The following ABCG1 variants were observed in gnomAD, a reference collection of about 807,000 sequenced individuals.
The protein encoded by ABCG1 is ATP-binding cassette sub-family G member 1.
Under a neutral mutation model 69.2 loss-of-function variants are expected in ABCG1, and 29 were observed. That is an observed-to-expected ratio of 0.42 (90% CI 0.31 to 0.57). ABCG1 has a LOEUF of 0.57. Among genes scored for constraint, ABCG1 ranks in the 20% least tolerant of loss-of-function variants. ABCG1 has a pLI of 0.15. For missense variants in ABCG1, 718 were observed against 898.1 expected, an observed-to-expected ratio of 0.80 and a Z score of 2.56; for synonymous variants, 370 against 374.8, an observed-to-expected ratio of 0.99 and a Z score of 0.15.
In ABCG1 at chr21:42,255,393, C is replaced by T. The variant is rs115001654; in HGVS notation, c.287-15677C>T. The stretch of plus-strand genomic sequence containing the variant: ...ATGCACATGTGTGTATATGGGTAGA[C>T]GTGTATGTGATGTGTGTCTGAGTGC... On this transcript the variant is annotated intron_variant, in intron 2 of 14. Transcript: ENST00000398449. 7.6e-3 allele frequency among the ~76,000 whole-genome samples: 1,164 copies of T among 152,164 alleles called. 23 individuals are homozygous for T. Among genetic ancestry groups the T allele is most frequent in the African/African-American group, 0.026 (1,093 of 41,504 alleles).
intron 2 of ABCG1, among the ~76,000 whole-genome samples, chr21:42,201,975 C>T (rs1471121190): frequency 6.6e-6 from 1 of 152,208 alleles, no homozygotes. Flanking sequence ...GAACTCTGCC[C>T]TTGTCCCCCA....
At chr21:42,212,384 A>C (rs116959854), upstream of ABCG1, among the ~76,000 whole-genome samples, 1 of 152,176 alleles carries the variant, frequency 6.6e-6, no homozygotes, top group African/African-American at 2.4e-5. Flanking sequence ...AGAAGAAGAC[A>C]CAGAGCCTCC....
chr21:42,260,524 C>T (rs766545656), intron 2 of ABCG1, among the ~76,000 whole-genome samples: 8 of 152,088 alleles, frequency 5.3e-5, no homozygotes, highest in African/African-American at 1.2e-4. Context: ...GGAGAGGAGC[C>T]GCATGGAAGG....
rs557387658 is a variant in ABCG1 at position 42,288,029 on chromosome 21, T to C, written c.1114T>C (p.Ser372Pro). Residue 372 changes from serine (S) to proline (P), a missense_variant, in exon 9 of 15, where the codon TCT (serine) becomes CCT (proline). Coordinates refer to ENST00000398449, the MANE Select transcript of ABCG1 (RefSeq NM_016818.3). The surrounding 1 kb of genome is among the most constrained non-coding windows in gnomAD (Gnocchi z 4.8). ...GAACCCTTTTCTTTGGCACCGGCCCTCTGAAGAGGTAAAGCAGACAAAACG... is the reference window on the plus strand; with the variant it reads ...GAACCCTTTTCTTTGGCACCGGCCCCCTGAAGAGGTAAAGCAGACAAAACG... ...EVNPFLWHRP[S>P]EEDSSSMEGC... 6.2e-7 allele frequency: 1 copy of C among 1,610,628 alleles called. No homozygotes were observed. Among genetic ancestry groups the C allele is most frequent in the African/African-American group, 1.3e-5 (1 of 74,904 alleles).
chr21:42,222,456 T>A (rs1193915290), intron 1 of ABCG1, among the ~76,000 whole-genome samples: 1 of 152,176 alleles, frequency 6.6e-6, no homozygotes, highest in Non-Finnish European at 1.5e-5. Flanking sequence ...TTTCCTATAA[T>A]GGACAAGGGC....
intron 10 of ABCG1, among the ~76,000 whole-genome samples, chr21:42,289,572 T>G (rs7277991): frequency 0.66 from 100,437 of 151,966 alleles, 33,372 homozygotes; most frequent in African/African-American, 0.72. Context: ...CCAGAGAAGT[T>G]GACAATCTGG....
chr21:42,259,915 G>T, intron 2 of ABCG1: 1 of 1,460,672 alleles, frequency 6.8e-7, no homozygotes, highest in African/African-American at 1.4e-5. Flanking sequence ...GGCTTGAGCG[G>T]CCCTGAAGCT....
At chr21:42,235,951 T>A (rs2067973373) in intron 2 of ABCG1, among the ~76,000 whole-genome samples, 1 of 152,150 alleles carries the variant, frequency 6.6e-6, no homozygotes, top group African/African-American at 2.4e-5. Flanking sequence ...GATTTACAGG[T>A]CTTTACTTCA....
intron 2 of ABCG1, among the ~76,000 whole-genome samples, chr21:42,263,811 C>G (rs1411920404): frequency 2.0e-5 from 3 of 152,188 alleles, no homozygotes; most frequent in Non-Finnish European, 2.9e-5. Flanking sequence ...CCTGATGGCT[C>G]TGGTCCCAAA....
intron 2 of ABCG1, among the ~76,000 whole-genome samples, chr21:42,243,693 T>A (rs1601382451): frequency 6.6e-6 from 1 of 151,188 alleles, no homozygotes; most frequent in East Asian, 1.9e-4. Context: ...AGTGGAGAGG[T>A]TTTTGCAGGA....
At chr21:42,208,815 T>C (rs1288481171) in intron 2 of ABCG1, among the ~76,000 whole-genome samples, 1 of 152,180 alleles carries the variant, frequency 6.6e-6, no homozygotes, top group Non-Finnish European at 1.5e-5. Context: ...TTAAAATGAG[T>C]TGTTTTTCTC....
intron 5 of ABCG1, among the ~76,000 whole-genome samples, chr21:42,281,184 T>C (rs978077521): frequency 3.9e-5 from 6 of 152,158 alleles, no homozygotes; most frequent in African/African-American, 1.4e-4. Context: ...CGTGAGTTCT[T>C]CCTCCCTTCA....
intron 1 of ABCG1, among the ~76,000 whole-genome samples, chr21:42,221,913 G>A (rs535472128): frequency 6.6e-6 from 1 of 152,160 alleles, no homozygotes. Flanking sequence ...AGCTAAACAG[G>A]CATCTCTATC....
chr21:42,290,052 C>T lies in ABCG1; in HGVS notation c.1227C>T (p.Val409=). The T allele has an allele frequency of 6.2e-7, 1 of 1,614,218 alleles. No individual in the cohort carries two copies. The highest frequency in any genetic ancestry group is 8.5e-7 in the Non-Finnish European group (1 of 1,180,042). Residue 409 remains valine, a splice_region_variant and synonymous_variant, in exon 11 of 15, where the codon GTC becomes GTT. Coordinates refer to ENST00000398449, the MANE Select transcript of ABCG1 (RefSeq NM_016818.3). The stretch of plus-strand genomic sequence containing the variant: ...GTAAGATGCGGGTCTGTCCCCAGGT[C>T]CTGACACACCTGCGCATCACCTCGC... ...RTFLSIMRDS[V]LTHLRITSHI... is the part of the protein sequence containing the mutation.
At chr21:42,272,150 T>A (rs1318917786) in intron 3 of ABCG1, among the ~76,000 whole-genome samples, 1 of 152,260 alleles carries the variant, frequency 6.6e-6, no homozygotes, top group African/African-American at 2.4e-5. Context: ...TACACCTTAA[T>A]GCCAGAAATT....
At chr21:42,220,073 G>A (rs4148101) in intron 1 of ABCG1, 216,104 of 1,537,342 alleles carry the variant, frequency 0.14, 16,581 homozygotes, top group Admixed American at 0.22. Flanking sequence ...GGGGTGGTCA[G>A]GAATCTCCCT....
At chr21:42,212,039 C>T (rs543886423), upstream of ABCG1, among the ~76,000 whole-genome samples, 81 of 152,218 alleles carry the variant, frequency 5.3e-4, 1 homozygote, top group African/African-American at 1.8e-3. Context: ...CTTTCTACCA[C>T]GGGAGGGCAC....
intron 14 of ABCG1, 118 bp downstream of exon 14, chr21:42,294,778 A>G (rs1217823978): frequency 4.6e-6 from 4 of 861,826 alleles, no homozygotes; most frequent in Non-Finnish European, 3.9e-6. Context: ...AGCAGATTAC[A>G]CATCTGAGGA....
intron 2 of ABCG1, among the ~76,000 whole-genome samples, chr21:42,255,189 G>A (rs554375120): frequency 1.3e-5 from 2 of 152,374 alleles, no homozygotes; most frequent in Admixed American, 1.3e-4. Flanking sequence ...ACCTGCGCAG[G>A]GGCAGGGCCC....
Sources: gnomAD v4.1 joint callset for allele counts (sites outside exome capture counted in the v4.1 genomes callset) on GRCh38, gnomAD v4.1.1 for gene constraint, Gnocchi (gnomAD v3.1) non-coding constraint, MANE v1.5 for transcripts, NCBI Gene and HGNC (gene_info 2026-07-23, HGNC 2026-07-21) for gene names.